Variants in GFRA2 observed in about 807,000 individuals in gnomAD.
GFRA2 encodes the protein GDNF family receptor alpha 2, also known as GDNF family receptor alpha-2.
Under a neutral mutation model 48.3 loss-of-function variants are expected in GFRA2, and 17 were observed. That is an observed-to-expected ratio of 0.35 (90% confidence interval 0.24 to 0.53). The LOEUF is 0.53. Among genes scored for constraint, GFRA2 ranks in the 20% least tolerant of loss-of-function variants. GFRA2 has a pLI of 0.93. For missense variants in GFRA2, 660 were observed against 637.3 expected, an observed-to-expected ratio of 1.04 and a Z score of -0.38; for synonymous variants, 305 against 257.2, an observed-to-expected ratio of 1.19 and a Z score of -1.78.
intron 4 of GFRA2, among the ~76,000 whole-genome samples, chr8:21,715,309 T>G (rs1412595784): frequency 6.6e-6 from 1 of 152,180 alleles, no homozygotes; most frequent in East Asian, 1.9e-4. Context: ...TTTGTTTTTT[T>G]GTGTGTTTTT....
intron 2 of GFRA2, among the ~76,000 whole-genome samples, chr8:21,804,427 AAAAAAAAAAC>A (rs1214655974): frequency 3.1e-4 from 23 of 75,002 alleles, no homozygotes; most frequent in Admixed American, 3.1e-4. Context: ...TTCTCTGCTA[AAAAAAAAAAC>A]AAAAAAAAAA....
chr8:21,786,091 A>G (rs1302264922), intron 1 of GFRA2, among the ~76,000 whole-genome samples: 1 of 152,186 alleles, frequency 6.6e-6, no homozygotes, highest in African/African-American at 2.4e-5. Flanking sequence ...AGGGCTGTGG[A>G]GCAAGGGGAT....
chr8:21,711,661 G>T (rs1803033967), intron 4 of GFRA2, among the ~76,000 whole-genome samples: 4 of 151,622 alleles, frequency 2.6e-5, no homozygotes, highest in Admixed American at 2.6e-4. Flanking sequence ...CATAATATCT[G>T]GGAAATACTT....
At chr8:21,731,628 G>A (rs1024563561) in intron 4 of GFRA2, among the ~76,000 whole-genome samples, 3 of 152,044 alleles carry the variant, frequency 2.0e-5, no homozygotes, top group African/African-American at 7.2e-5. Context: ...AAAATCCTTT[G>A]TGCGCCCCCA....
rs74751773 is a variant in GFRA2, at chr8:21,771,382, G to A, written c.439+3590C>T. On this transcript the variant is annotated intron_variant, in intron 3 of 8. Coordinates refer to ENST00000524240, the MANE Select transcript of GFRA2 (RefSeq NM_001495.5). ...AATCTCTTCCCACATAGAAGGGGAG[G>A]GAAGGATATGTGGACACGTCCAACA... Among the ~76,000 whole-genome samples, 790 of 152,284 alleles carry A rather than the reference G, an allele frequency of 5.2e-3. 50 individuals are homozygous for A. In the East Asian group the frequency reaches 0.13, roughly 26 times the overall value.
chr8:21,765,432 TC>T (rs1806107063), intron 3 of GFRA2, among the ~76,000 whole-genome samples: 1 of 151,894 alleles, frequency 6.6e-6, no homozygotes, highest in Non-Finnish European at 1.5e-5. Context: ...TCTTGACACT[TC>T]TACTTGACTT....
intron 3 of GFRA2, 46 bp downstream of exon 3, chr8:21,774,926 A>G: frequency 1.9e-6 from 2 of 1,035,814 alleles, no homozygotes; most frequent in Admixed American, 1.7e-5. Flanking sequence ...GCCATGCCAC[A>G]GGGACGAGAG....
chr8:21,751,052 GCT>G (rs1301382571), intron 3 of GFRA2, 110 bp from the exon 4 acceptor site: 2 of 751,232 alleles, frequency 2.7e-6, no homozygotes, highest in Non-Finnish European at 4.4e-6. Flanking sequence ...CCATGTGCCT[GCT>G]CTGTGCCTCA....
chr8:21,799,496 C>T (rs1346276832), intron 2 of GFRA2, among the ~76,000 whole-genome samples: 1 of 152,190 alleles, frequency 6.6e-6, no homozygotes, highest in Non-Finnish European at 1.5e-5. Flanking sequence ...GCACCCAGCC[C>T]TGACCAGAGG....
upstream of GFRA2, chr8:21,790,154 G>A (rs1807524874): frequency 1.1e-6 from 1 of 947,134 alleles, no homozygotes; most frequent in Non-Finnish European, 1.3e-6. Flanking sequence ...CTGGAGGAGA[G>A]GTGCGGCTGC....
At chr8:21,762,856 C>A (rs144692383) in intron 3 of GFRA2, among the ~76,000 whole-genome samples, 73,950 of 151,888 alleles carry the variant, frequency 0.49, 20,833 homozygotes, top group Non-Finnish European at 0.63. Flanking sequence ...CATTCTCATA[C>A]AAAATTCCCA....
At chr8:21,786,087 G>C (rs1279058291) in intron 1 of GFRA2, among the ~76,000 whole-genome samples, 1 of 152,344 alleles carries the variant, frequency 6.6e-6, no homozygotes, top group South Asian at 2.1e-4. Context: ...CTGAAGGGCT[G>C]TGGAGCAAGG....
intron 3 of GFRA2, among the ~76,000 whole-genome samples, chr8:21,758,107 C>T (rs1435328979): frequency 6.6e-6 from 1 of 151,886 alleles, no homozygotes; most frequent in African/African-American, 2.4e-5. Flanking sequence ...GGCACCTGGG[C>T]ATCTGGATTT....
intron 4 of GFRA2, among the ~76,000 whole-genome samples, chr8:21,719,247 C>T (rs1803482484): frequency 6.6e-6 from 1 of 152,144 alleles, no homozygotes; most frequent in African/African-American, 2.4e-5. Context: ...CTAGATGAGA[C>T]AGAGGCCAAC....
intron 5 of GFRA2, among the ~76,000 whole-genome samples, chr8:21,705,439 C>T (rs1201038347): frequency 6.6e-6 from 1 of 152,168 alleles, no homozygotes; most frequent in Non-Finnish European, 1.5e-5. Flanking sequence ...AAGCAGCCAA[C>T]ATTCTCAAAT....
intron 3 of GFRA2, among the ~76,000 whole-genome samples, chr8:21,774,571 G>C (rs376098615): frequency 6.6e-6 from 1 of 152,182 alleles, no homozygotes; most frequent in South Asian, 2.1e-4. Context: ...CAATGAGGTC[G>C]GTACGGTACT....
At chr8:21,788,066 C>T in intron 1 of GFRA2, 54 bp downstream of exon 1, 1 of 1,035,764 alleles carries the variant, frequency 9.7e-7, no homozygotes, top group South Asian at 1.5e-5. Context: ...CGCTCGCCCC[C>T]CGCCTCCCCG....
At chr8:21,764,826 C>A (rs553401348) in intron 3 of GFRA2, among the ~76,000 whole-genome samples, 3 of 152,180 alleles carry the variant, frequency 2.0e-5, no homozygotes, top group Non-Finnish European at 4.4e-5. Flanking sequence ...CTTCCCTTGA[C>A]CACTACCCAG....
At chr8:21,749,708 T>C (rs767667028) in intron 4 of GFRA2, among the ~76,000 whole-genome samples, 1 of 151,844 alleles carries the variant, frequency 6.6e-6, no homozygotes, top group Non-Finnish European at 1.5e-5. Context: ...GCTCACTCTG[T>C]ATTCAGGTCT....
Sources: allele counts gnomAD v4.1 joint callset (sites outside exome capture counted in the v4.1 genomes callset), GRCh38; gene constraint gnomAD v4.1.1; transcripts MANE v1.5; gene names NCBI Gene and HGNC (gene_info 2026-07-23, HGNC 2026-07-21).